The following TNIP3 variants were observed in gnomAD, a reference collection of about 807,000 sequenced individuals.
The protein encoded by TNIP3 is TNFAIP3-interacting protein 3.
TNIP3 carries 34 observed loss-of-function variants against 54.1 expected under a neutral mutation model. The observed-to-expected ratio is 0.63, with a 90% CI of 0.48 to 0.84. TNIP3 has a LOEUF of 0.84. Among genes scored for constraint, TNIP3 ranks in the 40% least tolerant of loss-of-function variants. The pLI is 0.00. For missense variants in TNIP3, 366 were observed against 387.6 expected (o/e 0.94, Z 0.47); for synonymous variants, 134 against 136.8 (o/e 0.98, Z 0.14).
At chr4:121,149,756 A>C (rs1412753841) in intron 6 of TNIP3, among the ~76,000 whole-genome samples, 1 of 152,034 alleles carries the variant, frequency 6.6e-6, no homozygotes, top group Non-Finnish European at 1.5e-5. Context: ...ACAATGGGAG[A>C]CTCTGTCTCA....
chr4:121,148,825 C>A (rs1729575025), intron 6 of TNIP3, among the ~76,000 whole-genome samples: 1 of 152,180 alleles, frequency 6.6e-6, no homozygotes, highest in African/African-American at 2.4e-5. Context: ...CAACAAAAAT[C>A]TTTGTACTTA....
chr4:121,198,259 A>C (rs1042231484), intron 2 of TNIP3, among the ~76,000 whole-genome samples: 7 of 152,172 alleles, frequency 4.6e-5, no homozygotes, highest in African/African-American at 1.7e-4. Flanking sequence ...AAAATGCACA[A>C]ATTTATAGGA....
chr4:121,174,762 C>T (rs1724206658), intron 3 of TNIP3, among the ~76,000 whole-genome samples: 1 of 151,956 alleles, frequency 6.6e-6, no homozygotes, highest in Non-Finnish European at 1.5e-5. Flanking sequence ...TGAGTTATGC[C>T]TCACTCTCCC....
At chr4:121,215,178 G>T (rs567005413) in intron 2 of TNIP3, among the ~76,000 whole-genome samples, 1 of 151,854 alleles carries the variant, frequency 6.6e-6, no homozygotes, top group African/African-American at 2.4e-5. Context: ...ATTCTTAATG[G>T]TACCCCTTGT....
upstream of TNIP3, among the ~76,000 whole-genome samples, chr4:121,167,476 A>G (rs947052079): frequency 2.0e-5 from 3 of 152,322 alleles, no homozygotes; most frequent in Admixed American, 2.0e-4. Context: ...AAGGGAGCAC[A>G]GTAAGAAACA....
upstream of TNIP3, among the ~76,000 whole-genome samples, chr4:121,167,934 C>T (rs935523597): frequency 6.6e-6 from 1 of 152,038 alleles, no homozygotes; most frequent in African/African-American, 2.4e-5. Flanking sequence ...CTTCACCTGA[C>T]CTGTTTGATC....
At chr4:121,202,520 C>T (rs1560690038) in intron 2 of TNIP3, among the ~76,000 whole-genome samples, 2 of 152,062 alleles carry the variant, frequency 1.3e-5, no homozygotes, top group African/African-American at 2.4e-5. Flanking sequence ...TAGACATTGG[C>T]TTAGGTAAAG....
In TNIP3 at chr4:121,176,904, C is replaced by T. The variant is rs146087498; in HGVS notation, c.189+5772G>A. 3.5e-3 allele frequency among the ~76,000 whole-genome samples: 534 copies of T among 152,196 alleles called. 3 individuals carry two copies. Among genetic ancestry groups the T allele is most frequent in the Middle Eastern group, 0.031 (9 of 294 alleles). On this transcript the variant is annotated intron_variant, in intron 3 of 12. Transcript: ENST00000507879. Reference sequence around the variant, plus strand: ...AACTTGTCCCCAGCCACTGGGAGTTCCTCCCTTAACTTGTATCAAAAGTCA... The same window carrying T: ...AACTTGTCCCCAGCCACTGGGAGTTTCTCCCTTAACTTGTATCAAAAGTCA...
chr4:121,168,493 C>T (rs750833233), upstream of TNIP3, among the ~76,000 whole-genome samples: 11 of 150,946 alleles, frequency 7.3e-5, no homozygotes, highest in Non-Finnish European at 1.5e-4. Context: ...GCCAACATGC[C>T]CAGCCTTTTT....
intron 2 of TNIP3, among the ~76,000 whole-genome samples, chr4:121,187,625 A>G (rs998735475): frequency 5.3e-5 from 8 of 152,204 alleles, no homozygotes; most frequent in Admixed American, 2.0e-4. Context: ...CTCTAGTTCT[A>G]AAGAAAACAA....
At chr4:121,192,403 T>G (rs1481563601) in intron 2 of TNIP3, among the ~76,000 whole-genome samples, 1 of 152,212 alleles carries the variant, frequency 6.6e-6, no homozygotes, top group Non-Finnish European at 1.5e-5. Flanking sequence ...TTCGTGTAGC[T>G]GATAAAGCGC....
At chr4:121,226,593 C>T (rs1455662987) in intron 1 of TNIP3, among the ~76,000 whole-genome samples, 1 of 152,202 alleles carries the variant, frequency 6.6e-6, no homozygotes, top group Non-Finnish European at 1.5e-5. Context: ...CATTTCACAG[C>T]AGGGAGTTTG....
At chr4:121,193,082 G>A (rs1040418326) in intron 2 of TNIP3, among the ~76,000 whole-genome samples, 1 of 152,160 alleles carries the variant, frequency 6.6e-6, no homozygotes, top group Non-Finnish European at 1.5e-5. Flanking sequence ...ATCATGATTT[G>A]ATTCAGAATG....
intron 1 of TNIP3, among the ~76,000 whole-genome samples, chr4:121,162,145 G>T (rs551292718): frequency 1.3e-5 from 2 of 152,194 alleles, no homozygotes; most frequent in South Asian, 4.2e-4. Context: ...ACATGTTGTT[G>T]GTCTTTGCCA....
At chr4:121,222,957 C>A (rs1020980780) in intron 1 of TNIP3, among the ~76,000 whole-genome samples, 2 of 152,076 alleles carry the variant, frequency 1.3e-5, no homozygotes, top group African/African-American at 4.8e-5. Flanking sequence ...AGGCGCCCAC[C>A]ACCACGCCCG....
At chr4:121,208,630 C>T (rs1579496480) in intron 2 of TNIP3, among the ~76,000 whole-genome samples, 1 of 152,168 alleles carries the variant, frequency 6.6e-6, no homozygotes, top group South Asian at 2.1e-4. Flanking sequence ...TTCTTTATTA[C>T]AATTCCTCTG....
intron 4 of TNIP3, 24 bp downstream of exon 4, chr4:121,157,070 C>A: frequency 1.2e-6 from 2 of 1,613,060 alleles, no homozygotes; most frequent in Non-Finnish European, 1.7e-6. Flanking sequence ...ATCCTCCGGG[C>A]TCGAGGACCC....
At chr4:121,133,170 A>C (rs1170638864) in intron 10 of TNIP3, among the ~76,000 whole-genome samples, 1 of 152,234 alleles carries the variant, frequency 6.6e-6, no homozygotes, top group Non-Finnish European at 1.5e-5. Flanking sequence ...TTGATAATGA[A>C]TACTACATGA....
exon 1 of TNIP3, chr4:121,216,593 A>G: frequency 1.3e-6 from 2 of 1,499,940 alleles, no homozygotes; most frequent in Non-Finnish European, 1.8e-6. Flanking sequence ...CACCTGTTAA[A>G]TGCATTTTTC....
Sources: gnomAD v4.1 joint callset for allele counts (sites outside exome capture counted in the v4.1 genomes callset) on GRCh38, gnomAD v4.1.1 for gene constraint, MANE v1.5 for transcripts, NCBI Gene and HGNC (gene_info 2026-07-23, HGNC 2026-07-21) for gene names.